The following TNRC6B variants were observed in gnomAD, a reference collection of about 807,000 sequenced individuals.
TNRC6B encodes the protein trinucleotide repeat-containing gene 6B protein.
A neutral mutation model predicts 203.6 loss-of-function variants in TNRC6B; 52 were observed. That is an observed-to-expected ratio of 0.26 (90% CI 0.20 to 0.32). TNRC6B has a LOEUF of 0.32. TNRC6B is among the 10% of genes least tolerant of loss of function. The probability of loss-of-function intolerance (pLI) is 1.00; values close to 1 mark genes in which losing one functional copy is unlikely to be tolerated. For missense variants in TNRC6B, 1,923 were observed against 2,286.2 expected, an observed-to-expected ratio of 0.84 and a Z score of 3.24; for synonymous variants, 838 against 845.7, an observed-to-expected ratio of 0.99 and a Z score of 0.16.
At chr22:40,303,965 A>G (rs1257438657) in intron 15 of TNRC6B, among the ~76,000 whole-genome samples, 1 of 152,238 alleles carries the variant, frequency 6.6e-6, no homozygotes, top group Non-Finnish European at 1.5e-5. Context: ...ATTGAAGAAT[A>G]CATTTTAGGT....
At chr22:40,257,091 AGCCT>A (rs2146486617) in intron 3 of TNRC6B, among the ~76,000 whole-genome samples, 1 of 152,336 alleles carries the variant, frequency 6.6e-6, no homozygotes, top group Non-Finnish European at 1.5e-5. Context: ...TAAAATGTTC[AGCCT>A]AGAATATCTT....
chr22:40,133,726 T>A (rs772198811), intron 3 of TNRC6B, among the ~76,000 whole-genome samples: 1 of 152,004 alleles, frequency 6.6e-6, no homozygotes, highest in Non-Finnish European at 1.5e-5. Context: ...CCCAGCACTT[T>A]GGGAGGCCGA....
intron 1 of TNRC6B, among the ~76,000 whole-genome samples, chr22:40,095,585 A>G (rs542330848): frequency 6.6e-6 from 1 of 152,054 alleles, no homozygotes; most frequent in East Asian, 1.9e-4. Context: ...CGATGTAACC[A>G]TGATTTGTGA....
At chr22:40,296,652 G>C (rs1312182569) in intron 12 of TNRC6B, among the ~76,000 whole-genome samples, 1 of 148,640 alleles carries the variant, frequency 6.7e-6, no homozygotes, top group Non-Finnish European at 1.5e-5. Flanking sequence ...TTTCCTTATG[G>C]TGTTTCTCTC....
chr22:40,189,869 T>C (rs1191298818), intron 1 of TNRC6B, among the ~76,000 whole-genome samples: 1 of 152,168 alleles, frequency 6.6e-6, no homozygotes, highest in Non-Finnish European at 1.5e-5. Flanking sequence ...AAGGCATTTT[T>C]GAAACTTACC....
In TNRC6B at chr22:40,267,027, T is replaced by G; in HGVS notation, c.2797T>G (p.Ser933Ala). Reference sequence around the variant, plus strand: ...CCTGCCCACCCCAATGACCAGTAAATCGGCATCAGGTAAGCAGTGGCTTTC... The same window carrying G: ...CCTGCCCACCCCAATGACCAGTAAAGCGGCATCAGGTAAGCAGTGGCTTTC... Reference protein sequence around the residue: ...PNLPTPMTSKSASVWSKSTPP... With the variant: ...PNLPTPMTSKAASVWSKSTPP... Residue 933 changes from serine (S) to alanine (A), a missense_variant, in exon 5 of 23, where the codon TCG becomes GCG. Ser to Ala is a moderately conservative substitution (Grantham distance 99). Transcript: ENST00000454349. 6.3e-7 allele frequency: 1 copy of G among 1,595,154 alleles called. No homozygotes were observed. The highest frequency in any genetic ancestry group is 1.1e-5 in the South Asian group (1 of 88,408).
intron 1 of TNRC6B, among the ~76,000 whole-genome samples, chr22:40,088,498 G>A (rs1399742395): frequency 6.6e-6 from 1 of 151,668 alleles, no homozygotes; most frequent in Non-Finnish European, 1.5e-5. Context: ...TGCAACCTCC[G>A]CCTCCTAGAT....
In TNRC6B at chr22:40,085,481, A is replaced by G. The variant is rs184699289; in HGVS notation, c.-120-31574A>G. Among the ~76,000 whole-genome samples the G allele has an allele frequency of 3.0e-3, 458 of 152,218 alleles. 1 individual carries two copies. The highest frequency in any genetic ancestry group is 4.6e-3 in the Non-Finnish European group (316 of 67,994). ...GCTTCCCTCACTCTTCTTCCCCTCA[A>G]TTTATCTTAAAAAGAAACTTGGTTG... is the stretch of plus-strand genomic sequence containing the variant. On this transcript the variant is annotated intron_variant, in intron 1 of 23. Coordinates refer to the TNRC6B transcript ENST00000301923.
intron 4 of TNRC6B, among the ~76,000 whole-genome samples, chr22:40,164,040 C>G (rs1256063835): frequency 6.6e-6 from 1 of 152,012 alleles, no homozygotes; most frequent in Non-Finnish European, 1.5e-5. Context: ...AATCCCTCTT[C>G]TACACACTCA....
chr22:40,114,791 G>C (rs958988028), intron 1 of TNRC6B, among the ~76,000 whole-genome samples: 11 of 152,200 alleles, frequency 7.2e-5, no homozygotes, highest in African/African-American at 2.4e-4. Context: ...TACTGCTGCA[G>C]CTGTACCTGA....
intron 3 of TNRC6B, among the ~76,000 whole-genome samples, chr22:40,253,861 G>A (rs1012209748): frequency 6.6e-6 from 1 of 152,144 alleles, no homozygotes; most frequent in Non-Finnish European, 1.5e-5. Flanking sequence ...TGGGGAACGT[G>A]TTCCTTTCCC....
chr22:40,195,620 T>G (rs562414660), intron 1 of TNRC6B, among the ~76,000 whole-genome samples: 119 of 152,184 alleles, frequency 7.8e-4, no homozygotes, highest in African/African-American at 2.7e-3. Flanking sequence ...CCACCACACC[T>G]GGCTAAATTT....
chr22:40,192,903 A>G (rs981668232), intron 1 of TNRC6B, among the ~76,000 whole-genome samples: 5 of 152,232 alleles, frequency 3.3e-5, no homozygotes, highest in African/African-American at 9.6e-5. Context: ...TCAAGGCAGA[A>G]GCTTGGAAGC....
chr22:40,045,027 C>T (rs1474930443), intron 1 of TNRC6B: 2 of 148,390 alleles, frequency 1.3e-5, no homozygotes, highest in African/African-American at 4.9e-5. Context: ...CCGCGCCGTC[C>T]TTCCCCTCCC....
intron 1 of TNRC6B, among the ~76,000 whole-genome samples, chr22:40,207,361 C>A (rs1482856145): frequency 4.1e-5 from 6 of 146,708 alleles, no homozygotes; most frequent in African/African-American, 1.2e-4. Context: ...CTACTGTGGT[C>A]ACACCACTGC....
At chr22:40,311,984 GCCCTTATGTATATT>G (rs2071190774) in intron 17 of TNRC6B, among the ~76,000 whole-genome samples, 1 of 152,178 alleles carries the variant, frequency 6.6e-6, no homozygotes, top group Non-Finnish European at 1.5e-5. Context: ...AAAATTCCGA[GCCCTTATGTATATT>G]CTAGGCTTTC....
intron 3 of TNRC6B, among the ~76,000 whole-genome samples, chr22:40,138,185 G>C (rs1315469329): frequency 6.6e-6 from 1 of 152,166 alleles, no homozygotes; most frequent in African/African-American, 2.4e-5. Flanking sequence ...TGGGAGGAGA[G>C]CACAAATCTG....
intron 1 of TNRC6B, among the ~76,000 whole-genome samples, chr22:40,110,261 A>G (rs1460470498): frequency 6.6e-6 from 1 of 152,260 alleles, no homozygotes; most frequent in Admixed American, 6.5e-5. Context: ...AAGTCAACCC[A>G]GTTAACATAT....
At chr22:40,300,187 A>T (rs2071003342) in intron 12 of TNRC6B, among the ~76,000 whole-genome samples, 1 of 152,114 alleles carries the variant, frequency 6.6e-6, no homozygotes, top group Non-Finnish European at 1.5e-5. Flanking sequence ...TTTTTCTTGA[A>T]GATGTTTTCC....
Sources: allele counts gnomAD v4.1 joint callset (sites outside exome capture counted in the v4.1 genomes callset), GRCh38; gene constraint gnomAD v4.1.1; transcripts MANE v1.5; gene names NCBI Gene and HGNC (gene_info 2026-07-23, HGNC 2026-07-21).